Variants in MGAT5B observed in about 807,000 individuals in gnomAD.
MGAT5B encodes the protein N-acetylglucosaminyl-transferase Vb.
A neutral mutation model predicts 95.1 loss-of-function variants in MGAT5B; 54 were observed. That is an observed-to-expected ratio of 0.57 (90% confidence interval 0.46 to 0.71). The LOEUF is 0.71. Among genes scored for constraint, MGAT5B ranks in the 30% least tolerant of loss-of-function variants. The pLI is 0.00. For synonymous variants in MGAT5B, 464 were observed against 451.0 expected (o/e 1.03, Z -0.36); for missense variants, 935 against 1,088.6 (o/e 0.86, Z 1.99).
chr17:76,883,811 G>A (rs557142979), intron 3 of MGAT5B, among the ~76,000 whole-genome samples: 162 of 152,348 alleles, frequency 1.1e-3, no homozygotes, highest in Admixed American at 7.6e-3. Context: ...TCTAAAGTAC[G>A]GAGTTGGGTG....
rs1430430871 is a variant in MGAT5B, at chr17:76,868,910, A to G, written c.-120A>G. On this transcript the variant is annotated 5_prime_UTR_variant, in exon 1 of 18. Coordinates refer to ENST00000569840, the MANE Select transcript of MGAT5B (RefSeq NM_001199172.2). The surrounding 1 kb of genome is among the most constrained non-coding windows in gnomAD (Gnocchi z 6.3). ...CGAGGCCACCGGGCCGCGCGCTCCC[A>G]GCTTCGCTCGGACGCGGCTTCGGCC... The G allele has an allele frequency of 4.4e-6, 4 of 910,016 alleles. No individual in the cohort carries two copies. The highest frequency in any genetic ancestry group is 6.5e-6 in the Non-Finnish European group (4 of 614,330). The allele number at this position is 910,016 out of a possible 1,614,324, so 56.4% of individuals were successfully genotyped here.
chr17:76,873,095 G>A, intron 2 of MGAT5B, 132 bp downstream of exon 2: 1 of 994,094 alleles, frequency 1.0e-6, no homozygotes, highest in Non-Finnish European at 1.5e-6. Flanking sequence ...GAGGGGGCCT[G>A]GGCTTGGGCC....
At chr17:76,900,245 A>T (rs1968256742) in intron 3 of MGAT5B, among the ~76,000 whole-genome samples, 1 of 152,156 alleles carries the variant, frequency 6.6e-6, no homozygotes, top group South Asian at 2.1e-4. Flanking sequence ...CTTCCTGAGG[A>T]CTTTTTGAGC....
At chr17:76,903,148 C>T (rs574474579) in intron 4 of MGAT5B, among the ~76,000 whole-genome samples, 155 bp from the exon 5 acceptor site, 4 of 152,214 alleles carry the variant, frequency 2.6e-5, no homozygotes, top group South Asian at 2.1e-4. Flanking sequence ...AACCTAGGCC[C>T]GGGTTGACCT....
At chr17:76,899,593 C>T (rs951573640) in intron 3 of MGAT5B, among the ~76,000 whole-genome samples, 3 of 152,130 alleles carry the variant, frequency 2.0e-5, no homozygotes, top group African/African-American at 7.2e-5. Context: ...GCCATGATTG[C>T]GCCACTGCAC....
Position 76,925,095 on chromosome 17 carries a change from C to T in MGAT5B, c.1155C>T (p.Tyr385=). The T allele has an allele frequency of 1.2e-6, 2 of 1,610,928 alleles. No individual in the cohort carries two copies. Among genetic ancestry groups the T allele is most frequent in the Non-Finnish European group, 1.7e-6 (2 of 1,179,208 alleles). The change falls in exon 9 of 18, where the codon TAC becomes TAT. Residue 385 remains tyrosine, a splice_region_variant and synonymous_variant. Coordinates refer to ENST00000569840, the MANE Select transcript of MGAT5B (RefSeq NM_001199172.2). The stretch of plus-strand genomic sequence containing the variant: ...ACATGGGACTCTCCTTCAAGAAGTA[C>T]CGGTGAGAGGGCGGCCAGAGGGTGG... ...KRHMGLSFKK[Y]RCRIRVIDTF...
In MGAT5B at chr17:76,945,527, G is replaced by A. The variant is rs192158243; in HGVS notation, c.1849-849G>A. Among the ~76,000 whole-genome samples, 136 of 152,276 alleles carry A rather than the reference G, an allele frequency of 8.9e-4. 2 individuals carry two copies. Among genetic ancestry groups the A allele is most frequent in the Non-Finnish European group, 2.9e-4 (20 of 68,018 alleles). Reference sequence around the variant, plus strand: ...TGGTCTTGAACTCCTGACCTCAGGCGATCCGCCCACCTCGGCCTCCCAAAG... The same window carrying A: ...TGGTCTTGAACTCCTGACCTCAGGCAATCCGCCCACCTCGGCCTCCCAAAG... On this transcript the variant is annotated intron_variant, in intron 15 of 17. Coordinates refer to ENST00000569840, the MANE Select transcript of MGAT5B (RefSeq NM_001199172.2).
chr17:76,897,572 C>T (rs1598921869), intron 3 of MGAT5B, among the ~76,000 whole-genome samples: 1 of 152,040 alleles, frequency 6.6e-6, no homozygotes, highest in East Asian at 1.9e-4. Context: ...TAGAAGGACC[C>T]CAGTCATTGG....
At chr17:76,894,103 G>A (rs4789366) in intron 3 of MGAT5B, among the ~76,000 whole-genome samples, 47,112 of 152,032 alleles carry the variant, frequency 0.31, 8,936 homozygotes, top group African/African-American at 0.49. Context: ...GAGGCCCCTC[G>A]TAAGCTTGTG....
At chr17:76,941,908 G>T (rs1160621107) in intron 15 of MGAT5B, among the ~76,000 whole-genome samples, 1 of 152,244 alleles carries the variant, frequency 6.6e-6, no homozygotes, top group Non-Finnish European at 1.5e-5. Flanking sequence ...CGAGGAGAAA[G>T]AGGCTAGGGT....
intron 8 of MGAT5B, among the ~76,000 whole-genome samples, chr17:76,909,641 T>C (rs1488704546): frequency 6.6e-6 from 1 of 152,234 alleles, no homozygotes; most frequent in African/African-American, 2.4e-5. Context: ...ACTCAGTTTC[T>C]GCCTTTCTTC....
At chr17:76,888,438 G>A (rs1434781048) in intron 3 of MGAT5B, among the ~76,000 whole-genome samples, 3 of 152,194 alleles carry the variant, frequency 2.0e-5, no homozygotes, top group East Asian at 1.9e-4. Flanking sequence ...ATGCGTGTCT[G>A]TAGGCACCTG....
At chr17:76,925,359 C>T (rs72887773) in intron 9 of MGAT5B, among the ~76,000 whole-genome samples, 23,151 of 142,512 alleles carry the variant, frequency 0.16, 2,001 homozygotes, top group Non-Finnish European at 0.19. Flanking sequence ...GGCAGGAGGC[C>T]GGGGTCATCT....
chr17:76,879,490 C>T (rs985942052), intron 2 of MGAT5B, among the ~76,000 whole-genome samples: 1 of 152,222 alleles, frequency 6.6e-6, no homozygotes, highest in African/African-American at 2.4e-5. Flanking sequence ...GGGGAAGGGA[C>T]TACTCCAGCC....
At chr17:76,895,387 C>A (rs1043938747) in intron 3 of MGAT5B, among the ~76,000 whole-genome samples, 2 of 152,034 alleles carry the variant, frequency 1.3e-5, no homozygotes, top group Non-Finnish European at 2.9e-5. Context: ...GAAACCATCC[C>A]CACTGCCCCT....
Position 76,894,578 on chromosome 17 carries a change from G to T in MGAT5B, c.330-7977G>T, listed in dbSNP as rs4789368. On this transcript the variant is annotated intron_variant, in intron 3 of 17. Coordinates refer to ENST00000569840, the MANE Select transcript of MGAT5B (RefSeq NM_001199172.2). ...TCCTCCATAGAAAAGATTTTAGGCT[G>T]TGCGCAGTGGCTCATGCCTGTAATC... Among the ~76,000 whole-genome samples the T allele has an allele frequency of 2.6e-3, 394 of 151,914 alleles. 1 individual carries two copies. Among genetic ancestry groups the T allele is most frequent in the African/African-American group, 9.2e-3 (379 of 41,402 alleles).
rs1368745557 is a variant in MGAT5B at position 76,915,458 on chromosome 17, A to T, written c.1025+9271A>T. On this transcript the variant is annotated intron_variant, in intron 8 of 17. Transcript: ENST00000569840. This position sits in a 1 kb window ranked among gnomAD's most constrained non-coding sequence, Gnocchi z 8.7. ...GGCAGCGGGAGACGCGAGGAAGTGG[A>T]CAAGACCGAAAAACAACCCTCGGGC... 1.3e-5 allele frequency among the ~76,000 whole-genome samples: 2 copies of T among 152,174 alleles called. No individual in the cohort carries two copies. Among genetic ancestry groups the T allele is most frequent in the Non-Finnish European group, 2.9e-5 (2 of 68,034 alleles).
chr17:76,907,566 A>C (rs377353577), intron 8 of MGAT5B, among the ~76,000 whole-genome samples: 1 of 152,196 alleles, frequency 6.6e-6, no homozygotes, highest in Non-Finnish European at 1.5e-5. Flanking sequence ...ACTGCTATAT[A>C]ATATTCCATT....
chr17:76,938,737 G>A lies in MGAT5B; in HGVS notation c.1584+594G>A, dbSNP rs1567824460. Among the ~76,000 whole-genome samples the A allele has an allele frequency of 6.6e-6, 1 of 152,102 alleles. No homozygotes were observed. The highest frequency in any genetic ancestry group is 2.4e-5 in the African/African-American group (1 of 41,422). ...TCTGTCACCCACGCTGGAGTGCAGT[G>A]GTGCAATCAGGGCCCACTGCAACCT... On this transcript the variant is annotated intron_variant, in intron 13 of 17. Transcript: ENST00000569840. This position sits in a 1 kb window ranked among gnomAD's most constrained non-coding sequence, Gnocchi z 4.3.
Sources: allele counts gnomAD v4.1 joint callset (sites outside exome capture counted in the v4.1 genomes callset), GRCh38; gene constraint gnomAD v4.1.1; non-coding constraint Gnocchi (gnomAD v3.1); transcripts MANE v1.5; gene names NCBI Gene and HGNC (gene_info 2026-07-23, HGNC 2026-07-21).